SMIM20: variants seen among roughly 807,000 people sequenced by gnomAD.
The protein encoded by SMIM20 is mitochondrial translation regulation assembly intermediate of cytochrome c oxidase protein of 7 kDa.
Under a neutral mutation model 8.7 loss-of-function variants are expected in SMIM20, and 3 were observed. The ratio of observed to expected loss-of-function variants is 0.34; its 90% CI spans 0.16 to 0.89. SMIM20 has a LOEUF of 0.89. Among genes scored for constraint, SMIM20 ranks in the 40% least tolerant of loss-of-function variants. The pLI, the probability that SMIM20 is intolerant of heterozygous loss-of-function variation, is 0.49. For missense variants in SMIM20, 85 were observed against 84.8 expected (o/e 1.00, Z -0.01); for synonymous variants, 44 against 33.6 (o/e 1.31, Z -1.07).
At position 25,914,303 on chromosome 4, in the gene SMIM20, G is replaced by T. The variant is rs1174364756; in HGVS notation, c.-11G>T. ...CGGTCGGCGGGTCAGGGCAGCCCGG[G>T]GCCTGACGCCATGTCCCGGAACCTG... On this transcript the variant is annotated 5_prime_UTR_variant, in exon 1 of 3. Coordinates refer to ENST00000506197, the MANE Select transcript of SMIM20 (RefSeq NM_001145432.3). The T allele has an allele frequency of 6.5e-7, 1 of 1,549,242 alleles. No individual in the cohort carries two copies. The highest frequency in any genetic ancestry group is 2.4e-5 in the East Asian group (1 of 40,866).
intron 1 of SMIM20, among the ~76,000 whole-genome samples, chr4:25,927,485 C>G (rs1295639912): frequency 3.9e-5 from 6 of 152,188 alleles, no homozygotes; most frequent in Non-Finnish European, 1.5e-5. Flanking sequence ...ACACTGTCAG[C>G]CTGATTAAAA....
At chr4:25,918,233 C>T (rs924664123) in intron 1 of SMIM20, among the ~76,000 whole-genome samples, 4 of 151,918 alleles carry the variant, frequency 2.6e-5, no homozygotes, top group Admixed American at 1.3e-4. Context: ...TGAGCCACCG[C>T]GCCTGGCCCA....
chr4:25,922,500 C>T (rs1355342408), intron 1 of SMIM20, among the ~76,000 whole-genome samples: 2 of 152,176 alleles, frequency 1.3e-5, no homozygotes, highest in Non-Finnish European at 2.9e-5. Flanking sequence ...AACTCTAGGC[C>T]ATCCTCTCCT....
rs1267183562 is a variant in SMIM20, at chr4:25,915,854, T to TGGGGGG, written c.109+1436_109+1437insGGGGGG. The stretch of plus-strand genomic sequence containing the variant: ...CATTTTTGCTTGTCACAACTTGGGA[T>TGGGGGG]GGGGCGGGGGGGGGGTCGAGTGTTG... On this transcript the variant is annotated intron_variant, in intron 1 of 2. Transcript: ENST00000506197. 2.9e-3 allele frequency among the ~76,000 whole-genome samples: 54 copies of TGGGGGG among 18,826 alleles called. 1 individual carries two copies. The highest frequency in any genetic ancestry group is 3.7e-3 in the Non-Finnish European group (36 of 9,622). 12.4% of individuals were successfully genotyped at this position (18,826 alleles called of 152,430 possible). A position where few individuals can be genotyped will look rare whatever the true frequency, so the allele number is the denominator to read the frequency against.
chr4:25,927,120 C>T (rs16877742), intron 1 of SMIM20, among the ~76,000 whole-genome samples: 3,957 of 152,286 alleles, frequency 0.026, 191 homozygotes, highest in African/African-American at 0.09. Context: ...GCCATTCATC[C>T]GCTACTTTTC....
chr4:25,927,904 G>A (rs1293496473), intron 1 of SMIM20, among the ~76,000 whole-genome samples: 1 of 152,216 alleles, frequency 6.6e-6, no homozygotes, highest in Non-Finnish European at 1.5e-5. Context: ...CTTTGGTGGA[G>A]TGCATTTTAG....
At chr4:25,925,420 A>G (rs1472960647) in intron 1 of SMIM20, among the ~76,000 whole-genome samples, 1 of 152,008 alleles carries the variant, frequency 6.6e-6, no homozygotes, top group East Asian at 1.9e-4. Context: ...TATTTTTAGT[A>G]GAGATGGGGT....
chr4:25,914,411 TGGA>T lies in SMIM20; in HGVS notation c.103_105del (p.Glu35del), dbSNP rs1719038044. On this transcript the variant is annotated inframe_deletion, in exon 1 of 3. Coordinates refer to ENST00000506197, the MANE Select transcript of SMIM20 (RefSeq NM_001145432.3). The stretch of plus-strand genomic sequence containing the variant: ...ATCTACTTCCGGCCCCTAATGAGAT[TGGA>T]GGAGTACAGTGAGTGATCTCTAACC... 1 of 1,516,296 alleles carries T rather than the reference TGGA, an allele frequency of 6.6e-7. No homozygotes were observed. 93.9% of individuals were successfully genotyped at this position (1,516,296 alleles called of 1,614,324 possible).
At chr4:25,929,039 A>G in intron 2 of SMIM20, 115 bp from the exon 3 acceptor site, 1 of 1,296,692 alleles carries the variant, frequency 7.7e-7, no homozygotes, top group Non-Finnish European at 1.1e-6. Flanking sequence ...ACCATCTCAA[A>G]CTACACTGTA....
chr4:25,925,125 C>G (rs879904746), intron 1 of SMIM20, among the ~76,000 whole-genome samples: 3 of 152,156 alleles, frequency 2.0e-5, no homozygotes, highest in Non-Finnish European at 4.4e-5. Context: ...CAATTCTGTT[C>G]TCAACCAATT....
chr4:25,915,869 G>GGGGGGGGGGGGGGGGGT (rs1719082594), intron 1 of SMIM20, among the ~76,000 whole-genome samples: 1 of 103,166 alleles, frequency 9.7e-6, no homozygotes, highest in Non-Finnish European at 2.0e-5. Context: ...CGGGGGGGGG[G>GGGGGGGGGGGGGGGGGT]TCGAGTGTTG....
Position 25,926,106 on chromosome 4 carries a change from CATAGTTA to C in SMIM20, c.110-2205_110-2199del, listed in dbSNP as rs1395596387. 2.0e-5 allele frequency among the ~76,000 whole-genome samples: 3 copies of C among 152,190 alleles called. No homozygotes were observed. The East Asian group carries it at 5.8e-4, about 29-fold the overall frequency. On this transcript the variant is annotated intron_variant, in intron 1 of 2. Coordinates refer to ENST00000506197, the MANE Select transcript of SMIM20 (RefSeq NM_001145432.3). ...TAATAAGTTTATCCTGATTTGTTTA[CATAGTTA>C]AACCCCTGACTTCTGCCATTTCCCT...
rs372723804 is a variant in SMIM20, at chr4:25,923,749, A to G, written c.110-4564A>G. ...CTGGAAATCACCTGATGCAGAAAGA[A>G]TTCTTACCTTGTCAGGGCATTTTCC... is the stretch of plus-strand genomic sequence containing the variant. On this transcript the variant is annotated intron_variant, in intron 1 of 2. Transcript: ENST00000506197. Among the ~76,000 whole-genome samples the G allele has an allele frequency of 8.5e-5, 13 of 152,364 alleles. No homozygotes were observed. In the East Asian group the frequency reaches 2.1e-3, roughly 25 times the overall value.
At chr4:25,924,170 T>C (rs1253996531) in intron 1 of SMIM20, among the ~76,000 whole-genome samples, 1 of 152,200 alleles carries the variant, frequency 6.6e-6, no homozygotes, top group Non-Finnish European at 1.5e-5. Flanking sequence ...CAGAGGCAGA[T>C]GGTGTATGTA....
chr4:25,925,494 C>T (rs1388035514), intron 1 of SMIM20, among the ~76,000 whole-genome samples: 2 of 152,148 alleles, frequency 1.3e-5, no homozygotes, highest in Non-Finnish European at 2.9e-5. Context: ...GCCTCGGCCT[C>T]CCAAAGTGCT....
chr4:25,914,996 C>T (rs892498519), intron 1 of SMIM20, among the ~76,000 whole-genome samples: 21 of 152,240 alleles, frequency 1.4e-4, no homozygotes, highest in African/African-American at 4.6e-4. Flanking sequence ...CCAGATGGAA[C>T]CCTGATCCTT....
rs146491718 is a variant in SMIM20, at chr4:25,928,638, G to A, written c.166+269G>A. The stretch of plus-strand genomic sequence containing the variant: ...TGGGCATAAAAATGTTAACAAGTGC[G>A]TGATTCGATATGAGACGTGAATAGC... On this transcript the variant is annotated intron_variant, in intron 2 of 2. Coordinates refer to ENST00000506197, the MANE Select transcript of SMIM20 (RefSeq NM_001145432.3). Among the ~76,000 whole-genome samples the A allele has an allele frequency of 3.2e-4, 48 of 152,332 alleles. No individual in the cohort carries two copies. The East Asian group carries it at 7.1e-3, about 23-fold the overall frequency.
chr4:25,927,869 A>G (rs1405447052), intron 1 of SMIM20, among the ~76,000 whole-genome samples: 2 of 152,246 alleles, frequency 1.3e-5, no homozygotes, highest in Non-Finnish European at 2.9e-5. Context: ...TCAAAAACAT[A>G]GCATATTTAG....
intron 1 of SMIM20, among the ~76,000 whole-genome samples, chr4:25,923,108 T>C (rs1481673495): frequency 2.6e-5 from 4 of 152,230 alleles, no homozygotes; most frequent in African/African-American, 9.6e-5. Context: ...GCTGGACAGA[T>C]GATGGCATCA....
Sources: allele counts gnomAD v4.1 joint callset (sites outside exome capture counted in the v4.1 genomes callset), GRCh38; gene constraint gnomAD v4.1.1; transcripts MANE v1.5; gene names NCBI Gene and HGNC (gene_info 2026-07-23, HGNC 2026-07-21).